The following PLXNA2 variants were observed in gnomAD, a reference collection of about 807,000 sequenced individuals.
PLXNA2 encodes plexin-A2.
Under a neutral mutation model 193.5 loss-of-function variants are expected in PLXNA2, and 91 were observed. The observed-to-expected ratio is 0.47, with a 90% CI of 0.40 to 0.56. PLXNA2 has a LOEUF of 0.56. PLXNA2 is among the 20% of genes least tolerant of loss of function. The pLI is 0.00. For synonymous variants in PLXNA2, 997 were observed against 1,027.3 expected, an observed-to-expected ratio of 0.97 and a Z score of 0.56; for missense variants, 1,995 against 2,503.2, an observed-to-expected ratio of 0.80 and a Z score of 4.33.
At position 208,049,429 on chromosome 1, in the gene PLXNA2, G is replaced by A. The variant is rs570753620; in HGVS notation, c.3255+1580C>T. ...CCCTGAGCTTCAGTCTGGAAATGGAGTGGGGGCCTAGGCTCTTTTACCCAT... is the reference window on the plus strand; with the variant it reads ...CCCTGAGCTTCAGTCTGGAAATGGAATGGGGGCCTAGGCTCTTTTACCCAT... On this transcript the variant is annotated intron_variant, in intron 17 of 31. Coordinates refer to ENST00000367033, the MANE Select transcript of PLXNA2 (RefSeq NM_025179.4). Among the ~76,000 whole-genome samples, 4 of 152,038 alleles carry A rather than the reference G, an allele frequency of 2.6e-5. No individual in the cohort carries two copies. In the South Asian group the frequency reaches 6.2e-4, roughly 24 times the overall value.
chr1:208,244,324 GC>G lies in PLXNA2; in HGVS notation c.-763del. On this transcript the variant is annotated 5_prime_UTR_variant, in exon 1 of 32. Transcript: ENST00000367033. ...CGCGGTGGCGGCGGCGGCGGCGGCG[GC>G]GGCGGCGGCGGAGGAGCCCTGAGCG... 4.9e-6 allele frequency: 1 copy of G among 204,094 alleles called. No homozygotes were observed. The highest frequency in any genetic ancestry group is 9.6e-6 in the Non-Finnish European group (1 of 104,568). 12.6% of individuals were successfully genotyped at this position (204,094 alleles called of 1,614,324 possible). A position where few individuals can be genotyped will look rare whatever the true frequency, so the allele number is the denominator to read the frequency against.
At chr1:208,150,265 C>T (rs1469847001) in intron 3 of PLXNA2, among the ~76,000 whole-genome samples, 5 of 152,200 alleles carry the variant, frequency 3.3e-5, no homozygotes, top group African/African-American at 4.8e-5. Context: ...GGTCAATCTT[C>T]GGTTAACACT....
intron 3 of PLXNA2, among the ~76,000 whole-genome samples, chr1:208,158,912 A>T (rs1200257161): frequency 6.6e-6 from 1 of 152,206 alleles, no homozygotes; most frequent in East Asian, 1.9e-4. Flanking sequence ...GGAGCCCTGC[A>T]GTGGGCTCTA....
chr1:208,037,670 G>A (rs186723293), intron 26 of PLXNA2, among the ~76,000 whole-genome samples: 2 of 152,292 alleles, frequency 1.3e-5, no homozygotes, highest in East Asian at 1.9e-4. Flanking sequence ...TGGTTACCAT[G>A]GGAGGGGAGA....
intron 26 of PLXNA2, among the ~76,000 whole-genome samples, chr1:208,036,036 GATGGT>G (rs1372894979): frequency 2.0e-5 from 3 of 152,200 alleles, no homozygotes; most frequent in Non-Finnish European, 4.4e-5. Context: ...GCATTGACTT[GATGGT>G]ATAAAGCTCC....
At chr1:208,139,220 G>T (rs1271535619) in intron 4 of PLXNA2, among the ~76,000 whole-genome samples, 1 of 152,194 alleles carries the variant, frequency 6.6e-6, no homozygotes, top group African/African-American at 2.4e-5. Context: ...TTTAGAGTTA[G>T]ATTTATAATC....
rs761921996 is a variant in PLXNA2, at chr1:208,092,822, G to C, written c.2061C>G (p.Thr687=). 20 of 1,613,972 alleles carry C rather than the reference G, an allele frequency of 1.2e-5. No homozygotes were observed. The highest frequency in any genetic ancestry group is 1.7e-5 in the Non-Finnish European group (20 of 1,179,906). ...TGATCCGGCCCTCCTGGAAGGAGCA[G>C]GTGGTGGGGTCATGAGTGCAGAGGT... The part of the protein sequence containing the change: ...YRNLCTHDPT[T]CSFQEGRINI... The change falls in exon 9 of 32, where the codon ACC becomes ACG. Residue 687 remains threonine, a synonymous_variant. Coordinates refer to ENST00000367033, the MANE Select transcript of PLXNA2 (RefSeq NM_025179.4).
chr1:208,210,002 TTTGC>T, intron 3 of PLXNA2: 4 of 182,050 alleles, frequency 2.2e-5, no homozygotes, highest in Non-Finnish European at 3.4e-5. Context: ...TTTTTTTTTT[TTTGC>T]TTTTGCAGAT....
In PLXNA2 at chr1:208,135,950, G is replaced by C. The variant is rs184310801; in HGVS notation, c.1506+6379C>G. Among the ~76,000 whole-genome samples, 1,203 of 152,204 alleles carry C rather than the reference G, an allele frequency of 7.9e-3. 7 individuals carry two copies. The highest frequency in any genetic ancestry group is 0.015 in the Admixed American group (232 of 15,290). Reference sequence around the variant, plus strand: ...GATGCAATTTCTACCTCATTATAGGGAGTACTCACTCTTGGAGTCCTCAGC... The same window carrying C: ...GATGCAATTTCTACCTCATTATAGGCAGTACTCACTCTTGGAGTCCTCAGC... On this transcript the variant is annotated intron_variant, in intron 4 of 31. Transcript: ENST00000367033.
intron 9 of PLXNA2, among the ~76,000 whole-genome samples, chr1:208,087,082 A>G (rs775839982): frequency 2.0e-5 from 3 of 151,622 alleles, no homozygotes; most frequent in Non-Finnish European, 2.9e-5. Context: ...CCAGCTGATG[A>G]ATTGTAAATG....
At chr1:208,029,134 G>T in intron 29 of PLXNA2, 92 bp from the exon 30 acceptor site, 5 of 1,556,778 alleles carry the variant, frequency 3.2e-6, no homozygotes, top group Non-Finnish European at 4.3e-6. Flanking sequence ...AGGTCAAATT[G>T]TCCACCTGAA....
At chr1:208,164,535 C>T (rs1669234576) in intron 3 of PLXNA2, among the ~76,000 whole-genome samples, 1 of 152,172 alleles carries the variant, frequency 6.6e-6, no homozygotes, top group African/African-American at 2.4e-5. Context: ...TCCAAATCCC[C>T]ACAGAATTTG....
At chr1:208,115,698 A>G (rs1667615216) in intron 4 of PLXNA2, among the ~76,000 whole-genome samples, 1 of 152,190 alleles carries the variant, frequency 6.6e-6, no homozygotes, top group Admixed American at 6.5e-5. Context: ...CACAGATACA[A>G]CCTTGATCCC....
intron 4 of PLXNA2, among the ~76,000 whole-genome samples, chr1:208,115,749 C>T (rs1313654451): frequency 6.6e-6 from 1 of 152,154 alleles, no homozygotes; most frequent in African/African-American, 2.4e-5. Flanking sequence ...ACACACCTCC[C>T]AAACTATAAT....
intron 29 of PLXNA2, chr1:208,029,887 G>A (rs534691784): frequency 2.5e-5 from 25 of 985,448 alleles, no homozygotes; most frequent in South Asian, 9.4e-5. Context: ...TCTTCCAGCT[G>A]CCTTCTGGGC....
chr1:208,041,897 G>A (rs1359213553), intron 22 of PLXNA2, among the ~76,000 whole-genome samples: 3 of 152,222 alleles, frequency 2.0e-5, no homozygotes, highest in Non-Finnish European at 1.5e-5. Flanking sequence ...ACACCTGGGT[G>A]ACTTCAGACT....
At chr1:208,173,018 G>A (rs1571995889) in intron 3 of PLXNA2, among the ~76,000 whole-genome samples, 1 of 152,200 alleles carries the variant, frequency 6.6e-6, no homozygotes, top group East Asian at 1.9e-4. Context: ...TATCTGAGAG[G>A]CAGTGTTGGG....
At chr1:208,172,863 A>G (rs1319515439) in intron 3 of PLXNA2, among the ~76,000 whole-genome samples, 1 of 152,204 alleles carries the variant, frequency 6.6e-6, no homozygotes. Context: ...TGGCTGCAGA[A>G]GATGGGTCCT....
At chr1:208,193,590 G>T (rs544987360) in intron 3 of PLXNA2, among the ~76,000 whole-genome samples, 5 of 152,332 alleles carry the variant, frequency 3.3e-5, no homozygotes, top group African/African-American at 1.2e-4. Context: ...CAATGAATAA[G>T]TTTAAGAATG....
Sources: gnomAD v4.1 joint callset for allele counts (sites outside exome capture counted in the v4.1 genomes callset) on GRCh38, gnomAD v4.1.1 for gene constraint, MANE v1.5 for transcripts, NCBI Gene and HGNC (gene_info 2026-07-23, HGNC 2026-07-21) for gene names.